Variants in SULF2 observed in about 807,000 individuals in gnomAD.
The protein encoded by SULF2 is sulfatase 2.
Under a neutral mutation model 107.7 loss-of-function variants are expected in SULF2, and 52 were observed. The observed-to-expected ratio is 0.48, with a 90% CI of 0.39 to 0.61. The LOEUF is 0.61. Ranked by LOEUF, SULF2 falls within the 20% of genes least tolerant of loss-of-function variation. The probability of loss-of-function intolerance (pLI) is 0.00; values close to 1 mark genes in which losing one functional copy is unlikely to be tolerated. For missense variants in SULF2, 993 were observed against 1,177.3 expected (o/e 0.84, Z 2.29); for synonymous variants, 460 against 464.3 (o/e 0.99, Z 0.12).
chr20:47,779,613 T>A (rs1046323548), intron 1 of SULF2, among the ~76,000 whole-genome samples: 1 of 152,154 alleles, frequency 6.6e-6, no homozygotes, highest in African/African-American at 2.4e-5. Context: ...TTTTATTTTT[T>A]AATTTATTTT....
chr20:47,666,555 G>A lies in SULF2; in HGVS notation c.1577-67C>T, dbSNP rs2087280765. On this transcript the variant is annotated intron_variant, in intron 11 of 20. Coordinates refer to ENST00000688720, the MANE Select transcript of SULF2 (RefSeq NM_001387048.1). This position sits in a 1 kb window ranked among gnomAD's most constrained non-coding sequence, Gnocchi z 5.4. ...AGGCTGGCCAGGCTCCCAGGGCAGT[G>A]GGTCCTTCATCAAGATAGGGCCGGG... 7.6e-7 allele frequency: 1 copy of A among 1,307,888 alleles called. No homozygotes were observed. Among genetic ancestry groups the A allele is most frequent in the East Asian group, 2.3e-5 (1 of 43,256 alleles). 81.0% of individuals were successfully genotyped at this position (1,307,888 alleles called of 1,614,324 possible). A position where few individuals can be genotyped will look rare whatever the true frequency, so the allele number is the denominator to read the frequency against.
chr20:47,749,157 C>A (rs763830937), intron 2 of SULF2, among the ~76,000 whole-genome samples: 1 of 152,166 alleles, frequency 6.6e-6, no homozygotes, highest in Non-Finnish European at 1.5e-5. Flanking sequence ...TATGATGGAA[C>A]AGAAAGGCAG....
At chr20:47,759,078 G>C (rs2090360068) in intron 1 of SULF2, among the ~76,000 whole-genome samples, 1 of 152,172 alleles carries the variant, frequency 6.6e-6, no homozygotes, top group Non-Finnish European at 1.5e-5. Context: ...ATACAGATCA[G>C]ATCACAGCAC....
intron 15 of SULF2, 137 bp from the exon 16 acceptor site, chr20:47,663,759 C>T: frequency 1.9e-6 from 2 of 1,026,360 alleles, no homozygotes; most frequent in Non-Finnish European, 2.8e-6. Flanking sequence ...TTCAGGGTCC[C>T]AAGTCCCAGT....
chr20:47,693,526 TGAAAAA>T (rs1223687247), intron 4 of SULF2, among the ~76,000 whole-genome samples: 1 of 152,176 alleles, frequency 6.6e-6, no homozygotes, highest in Non-Finnish European at 1.5e-5. Flanking sequence ...TCTAAAGCAG[TGAAAAA>T]GAACAGAGCT....
intron 7 of SULF2, among the ~76,000 whole-genome samples, chr20:47,681,939 C>T (rs950306142): frequency 6.6e-6 from 1 of 152,206 alleles, no homozygotes; most frequent in Non-Finnish European, 1.5e-5. Flanking sequence ...CCCACCTGGG[C>T]CTCCCAAAGT....
Position 47,678,582 on chromosome 20 carries a change from G to A in SULF2, c.1193+94C>T. On this transcript the variant is annotated intron_variant, in intron 8 of 20. Coordinates refer to ENST00000688720, the MANE Select transcript of SULF2 (RefSeq NM_001387048.1). The surrounding 1 kb of genome is among the most constrained non-coding windows in gnomAD (Gnocchi z 4.5). The stretch of plus-strand genomic sequence containing the variant: ...CTGAGAACCCCAGCTCCCGACCCTT[G>A]GAGACCCCACGTTCTAGACCCACAG... 1.3e-6 allele frequency: 2 copies of A among 1,519,120 alleles called. No individual in the cohort carries two copies. Among genetic ancestry groups the A allele is most frequent in the Non-Finnish European group, 1.8e-6 (2 of 1,118,214 alleles). The allele number at this position is 1,519,120 out of a possible 1,614,324, so 94.1% of individuals were successfully genotyped here.
chr20:47,664,002 G>GGT, intron 15 of SULF2, 128 bp downstream of exon 15: 2 of 996,610 alleles, frequency 2.0e-6, no homozygotes, highest in African/African-American at 1.6e-5. Context: ...CCTCTTCGAG[G>GGT]GCTACCGTGG....
intron 3 of SULF2, among the ~76,000 whole-genome samples, chr20:47,732,538 C>T (rs1474732703): frequency 6.6e-6 from 1 of 152,106 alleles, no homozygotes; most frequent in Admixed American, 6.6e-5. Context: ...GACTATAAAA[C>T]CTTTGTAAAA....
At chr20:47,765,941 G>A (rs959694178) in intron 1 of SULF2, among the ~76,000 whole-genome samples, 13 of 152,228 alleles carry the variant, frequency 8.5e-5, no homozygotes, top group Non-Finnish European at 1.6e-4. Flanking sequence ...GGGCTTCCTG[G>A]AGGAGTACTT....
intron 3 of SULF2, among the ~76,000 whole-genome samples, chr20:47,707,431 T>A (rs890491228): frequency 6.6e-6 from 1 of 152,206 alleles, no homozygotes; most frequent in Non-Finnish European, 1.5e-5. Context: ...GCTTAGAGGC[T>A]CTGGAGCGGA....
intron 3 of SULF2, among the ~76,000 whole-genome samples, chr20:47,703,931 G>A (rs143028355): frequency 3.5e-4 from 53 of 152,274 alleles, no homozygotes; most frequent in African/African-American, 1.1e-3. Flanking sequence ...GCCATATGAC[G>A]TCATCTATGT....
At chr20:47,744,150 C>A (rs2089952818) in intron 2 of SULF2, among the ~76,000 whole-genome samples, 1 of 152,066 alleles carries the variant, frequency 6.6e-6, no homozygotes, top group African/African-American at 2.4e-5. Flanking sequence ...CTCTGCTTTG[C>A]ATTACTTGGA....
chr20:47,660,909 G>A (rs2087044388), intron 18 of SULF2, among the ~76,000 whole-genome samples: 1 of 152,130 alleles, frequency 6.6e-6, no homozygotes, highest in African/African-American at 2.4e-5. Flanking sequence ...TTGTCTGGGG[G>A]CTTCACCACC....
Position 47,672,314 on chromosome 20 carries a change from C to T in SULF2, c.1460G>A (p.Arg487Lys). The T allele has an allele frequency of 6.2e-7, 1 of 1,613,374 alleles. No individual in the cohort carries two copies. Among genetic ancestry groups the T allele is most frequent in the East Asian group, 2.2e-5 (1 of 44,880 alleles). Residue 487 changes from arginine (R) to lysine (K), a missense_variant, in exon 11 of 21, where the codon AGA becomes AAA. By Grantham distance (26) the Arg-to-Lys change is conservative. Transcript: ENST00000688720. ...CTTGGGCACGAGGTTGGAGAGGGCT[C>T]TGCTGCCGCCCAGCCGCATGGGGCC... ...CKGPMRLGGS[R>K]ALSNLVPKYY...
chr20:47,722,620 C>A (rs1184552998), intron 3 of SULF2, among the ~76,000 whole-genome samples: 4 of 151,594 alleles, frequency 2.6e-5, no homozygotes, highest in Non-Finnish European at 5.9e-5. Flanking sequence ...GGATGGGCAG[C>A]AAACAAAACA....
intron 5 of SULF2, among the ~76,000 whole-genome samples, chr20:47,688,715 C>T (rs57836870): frequency 0.18 from 27,607 of 152,154 alleles, 2,656 homozygotes; most frequent in Admixed American, 0.2. Context: ...AATGCTGCAG[C>T]CCCTGGGACG....
chr20:47,780,022 T>TA lies in SULF2; in HGVS notation c.-101+5320_-101+5321insT, dbSNP rs547200348. On this transcript the variant is annotated intron_variant, in intron 1 of 20. Coordinates refer to ENST00000688720, the MANE Select transcript of SULF2 (RefSeq NM_001387048.1). ...ACCCTCTACCCTAGTTGACTTTTTT[T>TA]TTTTTTTTTTTTGAGACAGAGTCTG... Among the ~76,000 whole-genome samples, 604 of 149,388 alleles carry TA rather than the reference T, an allele frequency of 4.0e-3. 4 individuals are homozygous for TA. The highest frequency in any genetic ancestry group is 0.015 in the African/African-American group (585 of 40,232).
At chr20:47,686,046 A>G (rs933844380) in intron 5 of SULF2, 1 of 152,280 alleles carries the variant, frequency 6.6e-6, no homozygotes, top group Non-Finnish European at 1.5e-5. Flanking sequence ...GCCAGTTCCC[A>G]GGAAGGTTGT....
Sources: gnomAD v4.1 joint callset for allele counts (sites outside exome capture counted in the v4.1 genomes callset) on GRCh38, gnomAD v4.1.1 for gene constraint, Gnocchi (gnomAD v3.1) non-coding constraint, MANE v1.5 for transcripts, NCBI Gene and HGNC (gene_info 2026-07-23, HGNC 2026-07-21) for gene names.